SLC25A26: variants seen among roughly 807,000 people sequenced by gnomAD.
The protein encoded by SLC25A26 is mitochondrial S-adenosylmethionine carrier protein.
A neutral mutation model predicts 37.8 loss-of-function variants in SLC25A26; 36 were observed. The ratio of observed to expected loss-of-function variants is 0.95; its 90% CI spans 0.73 to 1.26. The LOEUF is 1.26. SLC25A26 is among the 50% of genes most tolerant of loss of function. The pLI is 0.00. For synonymous variants in SLC25A26, 129 were observed against 122.5 expected (o/e 1.05, Z -0.35); for missense variants, 390 against 331.1 (o/e 1.18, Z -1.38).
At chr3:66,220,543 G>A (rs146641884), upstream of SLC25A26, among the ~76,000 whole-genome samples, 3,108 of 152,264 alleles carry the variant, frequency 0.02, 103 homozygotes, top group African/African-American at 0.072. Context: ...AACTTCTGAT[G>A]TATTTTTCTA....
At chr3:66,333,146 G>A (rs2076016161) in intron 5 of SLC25A26, among the ~76,000 whole-genome samples, 1 of 152,146 alleles carries the variant, frequency 6.6e-6, no homozygotes, top group South Asian at 2.1e-4. Flanking sequence ...TTAGTAGGAT[G>A]TGTCAAGATC....
chr3:66,183,141 C>G (rs954775198), intron 1 of SLC25A26, among the ~76,000 whole-genome samples: 2 of 152,104 alleles, frequency 1.3e-5, no homozygotes, highest in African/African-American at 4.8e-5. Flanking sequence ...CACACCCTGA[C>G]CTTGACCTGA....
At chr3:66,357,979 A>G (rs1030466717) in intron 6 of SLC25A26, among the ~76,000 whole-genome samples, 22 of 152,216 alleles carry the variant, frequency 1.4e-4, no homozygotes, top group Non-Finnish European at 2.9e-4. Context: ...GAGATTATAC[A>G]TGTAAAATCT....
chr3:66,174,949 G>C (rs935141414), intron 1 of SLC25A26, among the ~76,000 whole-genome samples: 3 of 151,612 alleles, frequency 2.0e-5, no homozygotes, highest in Admixed American at 2.0e-4. Flanking sequence ...GAGTAGAATT[G>C]CATGTGGACT....
chr3:66,271,404 A>G (rs1015160492), intron 5 of SLC25A26, among the ~76,000 whole-genome samples: 1 of 152,162 alleles, frequency 6.6e-6, no homozygotes, highest in Non-Finnish European at 1.5e-5. Context: ...TGCTCTGGCT[A>G]ATTGACTCAT....
chr3:66,321,860 A>T (rs553533740), intron 5 of SLC25A26, among the ~76,000 whole-genome samples: 4 of 152,030 alleles, frequency 2.6e-5, no homozygotes, highest in Non-Finnish European at 5.9e-5. Flanking sequence ...AGAATACCAC[A>T]GACTGGGTAA....
chr3:66,242,965 G>A (rs1172755239), intron 2 of SLC25A26, among the ~76,000 whole-genome samples: 6 of 152,184 alleles, frequency 3.9e-5, no homozygotes, highest in Non-Finnish European at 8.8e-5. Flanking sequence ...ATTAGCACTT[G>A]TGCTCCTTCA....
chr3:66,150,941 T>C (rs1478553134), intron 1 of SLC25A26, among the ~76,000 whole-genome samples: 2 of 151,842 alleles, frequency 1.3e-5, no homozygotes, highest in Non-Finnish European at 2.9e-5. Flanking sequence ...TCTGTGCCTG[T>C]ATGGAATGGG....
At chr3:66,266,036 G>A (rs1443416357) in intron 5 of SLC25A26, among the ~76,000 whole-genome samples, 2 of 152,202 alleles carry the variant, frequency 1.3e-5, no homozygotes, top group Admixed American at 6.5e-5. Context: ...TTTGACATAT[G>A]TCCTGCTAGT....
intron 3 of SLC25A26, among the ~76,000 whole-genome samples, chr3:66,259,153 A>G (rs773587726): frequency 7.2e-5 from 11 of 152,128 alleles, no homozygotes; most frequent in Non-Finnish European, 1.6e-4. Context: ...TGAGAGTCGG[A>G]AGCTGGGCTG....
chr3:66,208,853 C>T lies in SLC25A26; in HGVS notation c.-353-11889C>T, dbSNP rs1197385993. 4.8e-3 allele frequency among the ~76,000 whole-genome samples: 288 copies of T among 60,432 alleles called. 2 individuals carry two copies. The highest frequency in any genetic ancestry group is 0.027 in the East Asian group (51 of 1,906). 39.6% of individuals were successfully genotyped at this position (60,432 alleles called of 152,430 possible). The stretch of plus-strand genomic sequence containing the variant: ...ATATGGGTGTACATATATATATATA[C>T]CTTTATATGGGTGTGTGTATATATA... On this transcript the variant is annotated intron_variant, in intron 1 of 10. Coordinates refer to the SLC25A26 transcript ENST00000676754.
chr3:66,250,697 T>A (rs1200442929), intron 3 of SLC25A26, among the ~76,000 whole-genome samples: 1 of 152,102 alleles, frequency 6.6e-6, no homozygotes, highest in East Asian at 1.9e-4. Flanking sequence ...TTGAGGGTCA[T>A]CTGTACAAGG....
intron 7 of SLC25A26, among the ~76,000 whole-genome samples, chr3:66,365,646 T>C (rs1267364715): frequency 6.6e-6 from 1 of 152,078 alleles, no homozygotes; most frequent in Non-Finnish European, 1.5e-5. Flanking sequence ...GAGACATTGA[T>C]TGCGATCTCT....
chr3:66,318,694 A>G (rs1458396843), intron 5 of SLC25A26, among the ~76,000 whole-genome samples: 1 of 150,898 alleles, frequency 6.6e-6, no homozygotes, highest in East Asian at 1.9e-4. Flanking sequence ...AGGCTCGGAG[A>G]CTCTGTCACC....
intron 5 of SLC25A26, among the ~76,000 whole-genome samples, chr3:66,317,904 G>T (rs115878758): frequency 1.3e-5 from 2 of 152,302 alleles, no homozygotes; most frequent in Non-Finnish European, 1.5e-5. Context: ...TGACCCAGCC[G>T]CTGTACTGTG....
chr3:66,221,245 C>T, intron 1 of SLC25A26, 118 bp downstream of exon 1: 5 of 1,145,926 alleles, frequency 4.4e-6, no homozygotes, highest in Non-Finnish European at 5.9e-6. Flanking sequence ...CCTCGGGTTA[C>T]TGGCAGCCAG....
chr3:66,236,598 A>G lies in SLC25A26; in HGVS notation c.88A>G (p.Ile30Val), dbSNP rs1187474452. The change falls in exon 2 of 10, where the codon ATT (isoleucine) becomes GTT (valine). Residue 30 changes from isoleucine to valine, a missense_variant. Ile to Val is a conservative substitution (Grantham distance 29). Transcript: ENST00000354883. Reference protein sequence around the residue: ...VDLILFPLDTIKTRLQSPQGF... With the variant: ...VDLILFPLDTVKTRLQSPQGF... ...CTTGATATTATTTCCTCTGGATACCATTAAAACCAGGCTGCAGAGTCCCCA... is the reference window on the plus strand; with the variant it reads ...CTTGATATTATTTCCTCTGGATACCGTTAAAACCAGGCTGCAGAGTCCCCA... 14 of 1,517,294 alleles carry G rather than the reference A, an allele frequency of 9.2e-6. No individual in the cohort carries two copies. Among genetic ancestry groups the G allele is most frequent in the Admixed American group, 2.0e-5 (1 of 50,700 alleles). The allele number at this position is 1,517,294 out of a possible 1,614,324, so 94.0% of individuals were successfully genotyped here. A position where few individuals can be genotyped will look rare whatever the true frequency, so the allele number is the denominator to read the frequency against.
chr3:66,253,089 G>C (rs943448404), intron 3 of SLC25A26, among the ~76,000 whole-genome samples: 2 of 141,722 alleles, frequency 1.4e-5, no homozygotes, highest in Admixed American at 1.5e-4. Context: ...ACACGGGAAA[G>C]AGATTTGGCA....
chr3:66,365,401 C>T (rs2076802713), intron 7 of SLC25A26, among the ~76,000 whole-genome samples: 1 of 152,188 alleles, frequency 6.6e-6, no homozygotes, highest in African/African-American at 2.4e-5. Flanking sequence ...GCTTGTCATG[C>T]ACAGAAATTC....
Sources: gnomAD v4.1 joint callset for allele counts (sites outside exome capture counted in the v4.1 genomes callset) on GRCh38, gnomAD v4.1.1 for gene constraint, MANE v1.5 for transcripts, NCBI Gene and HGNC (gene_info 2026-07-23, HGNC 2026-07-21) for gene names.